The following CLVS2 variants were observed in gnomAD, a reference collection of about 807,000 sequenced individuals.
CLVS2 encodes clavesin-2.
Under a neutral mutation model 29.0 loss-of-function variants are expected in CLVS2, and 19 were observed. The observed-to-expected ratio is 0.66, with a 90% CI of 0.46 to 0.96. CLVS2 has a LOEUF of 0.96. CLVS2 is among the 40% of genes least tolerant of loss of function. CLVS2 has a pLI of 0.00. For synonymous variants in CLVS2, 161 were observed against 151.3 expected (o/e 1.06, Z -0.47); for missense variants, 294 against 404.1 (o/e 0.73, Z 2.34).
intron 5 of CLVS2, among the ~76,000 whole-genome samples, chr6:123,059,537 G>A (rs752019639): frequency 9.9e-5 from 15 of 152,134 alleles, no homozygotes; most frequent in Non-Finnish European, 1.5e-5. Context: ...ATTCATAACT[G>A]AATAGGGAAC....
chr6:123,001,787 A>C (rs1343130938), intron 2 of CLVS2, among the ~76,000 whole-genome samples: 1 of 152,214 alleles, frequency 6.6e-6, no homozygotes, highest in Non-Finnish European at 1.5e-5. Flanking sequence ...GCTGGAGAAA[A>C]GGAAGCTTGG....
At chr6:123,052,985 A>G (rs561100569) in intron 4 of CLVS2, among the ~76,000 whole-genome samples, 2 of 150,010 alleles carry the variant, frequency 1.3e-5, no homozygotes, top group Non-Finnish European at 3.0e-5. Flanking sequence ...GAAATCACCA[A>G]TGAGAAAATA....
At chr6:123,035,290 T>C (rs1775137961) in intron 3 of CLVS2, among the ~76,000 whole-genome samples, 1 of 151,988 alleles carries the variant, frequency 6.6e-6, no homozygotes, top group African/African-American at 2.4e-5. Flanking sequence ...AATACATAAA[T>C]CTTAAAATGG....
intron 4 of CLVS2, 67 bp from the exon 5 acceptor site, chr6:123,055,739 G>A (rs1445335433): frequency 4.4e-6 from 5 of 1,142,086 alleles, no homozygotes; most frequent in African/African-American, 3.1e-5. Context: ...CATCCCCCCT[G>A]TAGGATTTAG....
chr6:123,042,934 A>T (rs1423738136), intron 3 of CLVS2, among the ~76,000 whole-genome samples: 2 of 152,306 alleles, frequency 1.3e-5, no homozygotes, highest in East Asian at 3.9e-4. Flanking sequence ...CACCCCCAAA[A>T]GTCATATTTA....
At chr6:123,053,879 C>A (rs540871529) in intron 4 of CLVS2, among the ~76,000 whole-genome samples, 1 of 151,978 alleles carries the variant, frequency 6.6e-6, no homozygotes, top group Non-Finnish European at 1.5e-5. Context: ...AATTCTAGTG[C>A]GCAGGTGGAG....
In CLVS2 at chr6:123,055,886, G is replaced by A. The variant is rs1772686543; in HGVS notation, c.756G>A (p.Met252Ile). The change falls in exon 5 of 6, where the codon ATG becomes ATA. Residue 252 changes from methionine to isoleucine, a missense_variant. By Grantham distance (10) the Met-to-Ile change is conservative. Transcript: ENST00000275162. The part of the protein sequence containing the change: ...PEILPSEFGG[M>I]LPPYDMGTWA... The stretch of plus-strand genomic sequence containing the variant: ...TCCTGCCCTCTGAGTTTGGAGGAAT[G>A]CTGCCTCCTTATGACATGGGGACAT... The A allele has an allele frequency of 6.2e-7, 1 of 1,613,894 alleles. No individual in the cohort carries two copies. Among genetic ancestry groups the A allele is most frequent in the Non-Finnish European group, 8.5e-7 (1 of 1,179,792 alleles).
intron 3 of CLVS2, among the ~76,000 whole-genome samples, chr6:123,020,574 T>A (rs771067384): frequency 1.1e-3 from 170 of 152,024 alleles, no homozygotes; most frequent in Non-Finnish European, 1.4e-3. Context: ...AGTCTTGTTG[T>A]ATGTGTGGAC....
intron 3 of CLVS2, among the ~76,000 whole-genome samples, chr6:123,023,191 A>AT (rs1294669990): frequency 6.6e-6 from 1 of 152,084 alleles, no homozygotes. Context: ...TCTGGAACTC[A>AT]GTTGCTGTGG....
At chr6:123,048,567 CCTT>C in intron 3 of CLVS2, 52 bp from the exon 4 acceptor site, 1 of 1,155,410 alleles carries the variant, frequency 8.7e-7, no homozygotes, top group South Asian at 1.2e-5. Flanking sequence ...CTTTCCTAAA[CCTT>C]CTCAGTCTAT....
At chr6:123,021,786 G>T (rs1774927538) in intron 3 of CLVS2, among the ~76,000 whole-genome samples, 1 of 152,096 alleles carries the variant, frequency 6.6e-6, no homozygotes, top group African/African-American at 2.4e-5. Flanking sequence ...TTACAGCTTG[G>T]TGAGGGTGTA....
intron 4 of CLVS2, 130 bp downstream of exon 4, chr6:123,048,862 T>C (rs1772561448): frequency 1.6e-6 from 1 of 611,100 alleles, no homozygotes; most frequent in Non-Finnish European, 2.8e-6. Flanking sequence ...TAGAAGACAT[T>C]TTAAGATTCT....
In CLVS2 at chr6:123,070,593, T is replaced by C. The variant is rs1772928104; in HGVS notation, c.*6832T>C. 1 of 152,008 alleles carries C rather than the reference T, an allele frequency of 6.6e-6. No homozygotes were observed. The highest frequency in any genetic ancestry group is 2.4e-5 in the African/African-American group (1 of 41,428). The allele number at this position is 152,008 out of a possible 1,614,324, so 9.4% of individuals were successfully genotyped here. ...AACCCTCTGAAAGAGTAAAAGCCGA[T>C]GTCTTTATATCAGTGTATGAGAAGT... On this transcript the variant is annotated 3_prime_UTR_variant, in exon 6 of 6. Transcript: ENST00000275162.
At chr6:123,061,926 C>T (rs1772786019) in intron 5 of CLVS2, among the ~76,000 whole-genome samples, 2 of 151,924 alleles carry the variant, frequency 1.3e-5, no homozygotes, top group African/African-American at 4.8e-5. Context: ...AACAGAATTG[C>T]TTTCTTTATT....
chr6:123,056,748 G>T (rs1157619804), intron 5 of CLVS2, among the ~76,000 whole-genome samples: 2 of 152,116 alleles, frequency 1.3e-5, no homozygotes, highest in African/African-American at 4.8e-5. Flanking sequence ...CAATTTATTG[G>T]ATTTCTGTGT....
At chr6:123,039,356 T>C (rs879392740) in intron 3 of CLVS2, among the ~76,000 whole-genome samples, 4 of 152,222 alleles carry the variant, frequency 2.6e-5, no homozygotes, top group East Asian at 1.9e-4. Flanking sequence ...ATACGGTTCA[T>C]AGAAAATTAA....
chr6:123,010,622 C>T (rs141268273), intron 2 of CLVS2, among the ~76,000 whole-genome samples: 130 of 151,966 alleles, frequency 8.6e-4, no homozygotes, highest in African/African-American at 2.7e-3. Context: ...TTTTCAAATA[C>T]GAAGATATGA....
At chr6:123,027,832 T>G (rs902202520) in intron 3 of CLVS2, among the ~76,000 whole-genome samples, 1 of 152,198 alleles carries the variant, frequency 6.6e-6, no homozygotes, top group African/African-American at 2.4e-5. Flanking sequence ...TTATGCATGT[T>G]AAAATCTCTT....
intron 3 of CLVS2, among the ~76,000 whole-genome samples, chr6:123,030,280 T>G (rs1180125123): frequency 2.6e-5 from 4 of 152,206 alleles, no homozygotes; most frequent in East Asian, 1.9e-4. Context: ...GGAGCTATTA[T>G]AAGAGACAGA....
Sources: gnomAD v4.1 joint callset for allele counts (sites outside exome capture counted in the v4.1 genomes callset) on GRCh38, gnomAD v4.1.1 for gene constraint, MANE v1.5 for transcripts, NCBI Gene and HGNC (gene_info 2026-07-23, HGNC 2026-07-21) for gene names.